Variants in UTRN observed in about 807,000 individuals in gnomAD.
The protein encoded by UTRN is dystrophin-related protein 1.
A neutral mutation model predicts 463.9 loss-of-function variants in UTRN; 283 were observed. The ratio of observed to expected loss-of-function variants is 0.61; its 90% CI spans 0.55 to 0.67. The LOEUF (loss-of-function observed/expected upper bound fraction) is 0.67. UTRN is among the 30% of genes least tolerant of loss of function. The probability of loss-of-function intolerance (pLI) is 0.00; values close to 1 mark genes in which losing one functional copy is unlikely to be tolerated. For synonymous variants in UTRN, 1,442 were observed against 1,431.5 expected (o/e 1.01, Z -0.17); for missense variants, 3,922 against 4,084.3 (o/e 0.96, Z 1.08).
At chr6:144,512,902 C>G (rs1371095706) in intron 35 of UTRN, among the ~76,000 whole-genome samples, 1 of 152,104 alleles carries the variant, frequency 6.6e-6, no homozygotes, top group Non-Finnish European at 1.5e-5. Flanking sequence ...TTTGTAAAAA[C>G]TTTTACTGTC....
rs1418830775 is a variant in UTRN, at chr6:144,839,249, A to T, written c.10142A>T (p.Asp3381Val). The part of the protein sequence containing the change: ...PQHSALSYSL[D>V]PDASGPQFHQ... ...CATTCTGCACTGAGCTACTCGCTTG[A>T]TCCAGATGCCTCCGGCCCACAGTTC... Residue 3381 changes from aspartate (D) to valine (V), a missense_variant, in exon 72 of 75, where the codon GAT becomes GTT. This residue lies in a region of UTRN where 1,309 missense variants were observed against 1,452.6 expected (regional missense o/e 0.90). Transcript: ENST00000367545. 1.2e-6 allele frequency: 2 copies of T among 1,613,802 alleles called. No homozygotes were observed. Among genetic ancestry groups the T allele is most frequent in the African/African-American group, 2.7e-5 (2 of 74,916 alleles).
intron 56 of UTRN, 100 bp downstream of exon 56, chr6:144,752,052 G>C: frequency 8.4e-7 from 1 of 1,192,996 alleles, no homozygotes; most frequent in Non-Finnish European, 1.1e-6. Flanking sequence ...TTTCTTTGCT[G>C]ATGGTATTTG....
intron 51 of UTRN, among the ~76,000 whole-genome samples, chr6:144,636,901 G>GT (rs1777231059): frequency 6.6e-6 from 1 of 152,046 alleles, no homozygotes; most frequent in Non-Finnish European, 1.5e-5. Context: ...TAGCCTTGAG[G>GT]TTTTTTTTAT....
chr6:144,775,432 A>G (rs376048813), intron 60 of UTRN, among the ~76,000 whole-genome samples: 11 of 152,220 alleles, frequency 7.2e-5, no homozygotes, highest in South Asian at 6.2e-4. Context: ...TGACTTTTGC[A>G]TAATCCACAG....
rs140826612 is a variant in UTRN, at chr6:144,835,558, G to A, written c.9666-222G>A. 2.1e-3 allele frequency among the ~76,000 whole-genome samples: 316 copies of A among 152,250 alleles called. 1 individual carries two copies. The highest frequency in any genetic ancestry group is 3.5e-3 in the Non-Finnish European group (235 of 68,030). On this transcript the variant is annotated intron_variant, in intron 69 of 74. Transcript: ENST00000367545. ...CTTCTGAAGTTTATGAGATAGAGCTGTTAGATGAAAGAGAAGCCTGAAATG... is the reference window on the plus strand; with the variant it reads ...CTTCTGAAGTTTATGAGATAGAGCTATTAGATGAAAGAGAAGCCTGAAATG...
intron 53 of UTRN, among the ~76,000 whole-genome samples, chr6:144,711,248 G>A (rs1281545698): frequency 6.6e-6 from 1 of 151,806 alleles, no homozygotes; most frequent in East Asian, 1.9e-4. Flanking sequence ...CCCAGGGGGC[G>A]GAGGTTGCAG....
intron 51 of UTRN, among the ~76,000 whole-genome samples, chr6:144,605,532 G>A (rs1472412765): frequency 2.0e-5 from 3 of 151,544 alleles, no homozygotes; most frequent in Non-Finnish European, 4.4e-5. Context: ...ATTCAGTTTT[G>A]ACAAGAGATA....
intron 51 of UTRN, among the ~76,000 whole-genome samples, chr6:144,626,025 A>G (rs1175922130): frequency 1.3e-5 from 2 of 152,238 alleles, no homozygotes; most frequent in Admixed American, 6.5e-5. Context: ...TAGCTGTATC[A>G]CAGAAATTAG....
intron 51 of UTRN, among the ~76,000 whole-genome samples, chr6:144,668,477 T>TTA (rs1780655433): frequency 6.6e-6 from 1 of 152,264 alleles, no homozygotes; most frequent in African/African-American, 2.4e-5. Flanking sequence ...TGAGGCTGTC[T>TTA]TAGTCAGTTT....
At chr6:144,755,926 A>G (rs1791941231) in intron 57 of UTRN, among the ~76,000 whole-genome samples, 1 of 151,762 alleles carries the variant, frequency 6.6e-6, no homozygotes, top group African/African-American at 2.4e-5. Context: ...TTAATCAGTC[A>G]TTTTCTGCCC....
chr6:144,364,521 G>A (rs940486854), intron 2 of UTRN, among the ~76,000 whole-genome samples: 1 of 152,128 alleles, frequency 6.6e-6, no homozygotes, highest in Non-Finnish European at 1.5e-5. Flanking sequence ...CCCACTTCGC[G>A]TTTTTACTTC....
At chr6:144,373,871 A>G (rs949116163) in intron 2 of UTRN, among the ~76,000 whole-genome samples, 2 of 152,196 alleles carry the variant, frequency 1.3e-5, no homozygotes. Context: ...CTTTTCTTCA[A>G]ATTACACAAA....
chr6:144,525,159 TG>T (rs1796454336), intron 41 of UTRN, among the ~76,000 whole-genome samples: 1 of 152,144 alleles, frequency 6.6e-6, no homozygotes, highest in Non-Finnish European at 1.5e-5. Flanking sequence ...TTTTTTGTTA[TG>T]TCCTTTCCTG....
Position 144,852,377 on chromosome 6 carries a change from A to C in UTRN, c.*1380A>C, listed in dbSNP as rs1345302851. On this transcript the variant is annotated 3_prime_UTR_variant, in exon 75 of 75. Transcript: ENST00000367545. ...GAGGAACCAAAAAAAGGTGAAAATA[A>C]TATGTTTTGATTCAAACCTAAAGAC... is the stretch of plus-strand genomic sequence containing the variant. 2.6e-5 allele frequency: 4 copies of C among 152,258 alleles called. No homozygotes were observed. The highest frequency in any genetic ancestry group is 9.6e-5 in the African/African-American group (4 of 41,454). The allele number at this position is 152,258 out of a possible 1,614,324, so 9.4% of individuals were successfully genotyped here. A position where few individuals can be genotyped will look rare whatever the true frequency, so the allele number is the denominator to read the frequency against.
rs775731545 is a variant in UTRN, at chr6:144,458,983, C to G, written c.2498C>G (p.Ser833Cys). Residue 833 changes from serine to cysteine, a missense_variant, in exon 20 of 75, where the codon TCC (serine) becomes TGC (cysteine). Ser to Cys is a moderately radical substitution (Grantham distance 112). Coordinates refer to ENST00000367545, the MANE Select transcript of UTRN (RefSeq NM_007124.3). ...HTSISESSRQ[S>C]LPSLKDSCQR... ...TCCATTTCTGAATCTTCCCGGCAGT[C>G]CTTGCCAAGCTTGAAGGATTCCTGT... 1.9e-6 allele frequency: 3 copies of G among 1,607,114 alleles called. No individual in the cohort carries two copies. The East Asian group carries it at 6.7e-5, about 36-fold the overall frequency.
At chr6:144,374,551 T>A (rs1253824210) in intron 2 of UTRN, among the ~76,000 whole-genome samples, 2 of 151,684 alleles carry the variant, frequency 1.3e-5, no homozygotes, top group African/African-American at 2.4e-5. Flanking sequence ...TGGCGTGATC[T>A]CGGCTCATTG....
intron 73 of UTRN, 136 bp downstream of exon 73, chr6:144,840,968 A>G (rs954905668): frequency 3.3e-6 from 3 of 921,306 alleles, no homozygotes; most frequent in Non-Finnish European, 4.8e-6. Context: ...TTTGAAAATA[A>G]GGCAAACATT....
chr6:144,480,071 C>T, intron 26 of UTRN, 89 bp downstream of exon 26: 1 of 1,431,534 alleles, frequency 7.0e-7, no homozygotes, highest in Non-Finnish European at 9.4e-7. Context: ...ATCTGTCAAA[C>T]ACTATGTGCA....
In UTRN at chr6:144,836,226, T is replaced by G. The variant is rs1014551249; in HGVS notation, c.9825-75T>G. On this transcript the variant is annotated intron_variant, in intron 70 of 74. Transcript: ENST00000367545. ...AAGAGGAACTAGCATGAGCTAAATT[T>G]GAACCTCACAGACGATTTTGGAGAG... is the stretch of plus-strand genomic sequence containing the variant. 1.7e-5 allele frequency: 27 copies of G among 1,593,866 alleles called. No homozygotes were observed. The African/African-American group carries it at 2.3e-4, about 14-fold the overall frequency.
Sources: gnomAD v4.1 joint callset for allele counts (sites outside exome capture counted in the v4.1 genomes callset) on GRCh38, gnomAD v4.1.1 for gene constraint, gnomAD v4.1.1 regional missense constraint, MANE v1.5 for transcripts, NCBI Gene and HGNC (gene_info 2026-07-23, HGNC 2026-07-21) for gene names.